TTC29: variants seen among roughly 807,000 people sequenced by gnomAD.
TTC29 encodes the protein tetratricopeptide repeat protein 29.
Under a neutral mutation model 58.1 loss-of-function variants are expected in TTC29, and 49 were observed. The observed-to-expected ratio is 0.84, with a 90% CI of 0.67 to 1.07. The LOEUF is 1.07. TTC29 is among the 50% of genes least tolerant of loss of function. The pLI is 0.00. For missense variants in TTC29, 582 were observed against 555.6 expected, an observed-to-expected ratio of 1.05 and a Z score of -0.48; for synonymous variants, 209 against 196.8, an observed-to-expected ratio of 1.06 and a Z score of -0.52.
At chr4:146,883,538 C>G (rs1731775624) in intron 6 of TTC29, among the ~76,000 whole-genome samples, 1 of 152,040 alleles carries the variant, frequency 6.6e-6, no homozygotes, top group South Asian at 2.1e-4. Flanking sequence ...CACACTTCAT[C>G]CAACTCTAAC....
In TTC29 at chr4:146,776,757, G is replaced by T. The variant is rs531069798; in HGVS notation, c.1330+26700C>A. ...TGCTCAAGTATGCTAGCACAGCAGGGTGCATACACATTGGCTGGAGTGGAG... is the reference window on the plus strand; with the variant it reads ...TGCTCAAGTATGCTAGCACAGCAGGTTGCATACACATTGGCTGGAGTGGAG... On this transcript the variant is annotated intron_variant, in intron 11 of 12. Transcript: ENST00000325106. Among the ~76,000 whole-genome samples, 5 of 152,360 alleles carry T rather than the reference G, an allele frequency of 3.3e-5. No homozygotes were observed. In the East Asian group the frequency reaches 9.6e-4, roughly 29 times the overall value.
chr4:146,733,410 A>G (rs1385220410), intron 11 of TTC29, among the ~76,000 whole-genome samples: 1 of 152,116 alleles, frequency 6.6e-6, no homozygotes, highest in Non-Finnish European at 1.5e-5. Flanking sequence ...ATATATCACA[A>G]TTTAAAAAAT....
chr4:146,848,691 G>A (rs1028969891), intron 8 of TTC29, among the ~76,000 whole-genome samples: 6 of 152,106 alleles, frequency 3.9e-5, no homozygotes, highest in African/African-American at 1.4e-4. Flanking sequence ...CTTAGACATT[G>A]AGAATTACAG....
rs146950928 is a variant in TTC29 at position 146,758,877 on chromosome 4, C to T, written c.1330+44580G>A. Reference sequence around the variant, plus strand: ...GAAAGTTCATAGCCCTAAACACCTACATCAAAAAGACTGAAAGAGCACGAA... The same window carrying T: ...GAAAGTTCATAGCCCTAAACACCTATATCAAAAAGACTGAAAGAGCACGAA... On this transcript the variant is annotated intron_variant, in intron 11 of 12. Coordinates refer to ENST00000325106, the MANE Select transcript of TTC29 (RefSeq NM_031956.4). Among the ~76,000 whole-genome samples, 369 of 152,182 alleles carry T rather than the reference C, an allele frequency of 2.4e-3. 3 individuals are homozygous for T. Among genetic ancestry groups the T allele is most frequent in the African/African-American group, 8.6e-3 (357 of 41,534 alleles).
At chr4:146,875,156 G>C (rs1731177448) in intron 6 of TTC29, among the ~76,000 whole-genome samples, 1 of 152,150 alleles carries the variant, frequency 6.6e-6, no homozygotes, top group African/African-American at 2.4e-5. Flanking sequence ...ACTCTGGCTA[G>C]TAGAAATTTA....
At chr4:146,894,473 T>C (rs1732618464) in intron 6 of TTC29, among the ~76,000 whole-genome samples, 1 of 140,484 alleles carries the variant, frequency 7.1e-6, no homozygotes, top group Non-Finnish European at 1.5e-5. Flanking sequence ...AGGTGGGAAT[T>C]GAACAATGAG....
chr4:146,755,662 T>C (rs1055777439), intron 11 of TTC29, among the ~76,000 whole-genome samples: 6 of 152,036 alleles, frequency 3.9e-5, no homozygotes, highest in African/African-American at 7.3e-5. Flanking sequence ...GACAGATTTG[T>C]TAATTGGCTT....
At chr4:146,810,693 C>T (rs767820013) in intron 10 of TTC29, among the ~76,000 whole-genome samples, 4 of 147,892 alleles carry the variant, frequency 2.7e-5, no homozygotes, top group African/African-American at 7.5e-5. Context: ...CAGGTTCAAG[C>T]GATTCTCCTG....
At chr4:146,880,767 G>A (rs1378735550) in intron 6 of TTC29, among the ~76,000 whole-genome samples, 3 of 151,916 alleles carry the variant, frequency 2.0e-5, no homozygotes. Flanking sequence ...TCTCCCAGCC[G>A]CTATTTTGAT....
intron 10 of TTC29, among the ~76,000 whole-genome samples, chr4:146,811,507 C>T (rs973481367): frequency 2.0e-5 from 3 of 152,160 alleles, no homozygotes; most frequent in Middle Eastern, 3.2e-3. Context: ...CCCTTCCACT[C>T]ATCTCTCTCC....
intron 6 of TTC29, among the ~76,000 whole-genome samples, chr4:146,885,778 T>C (rs537405763): frequency 6.6e-6 from 1 of 152,250 alleles, no homozygotes; most frequent in African/African-American, 2.4e-5. Context: ...ACTTACCATA[T>C]TACTTTCCAA....
chr4:146,939,556 C>T (rs1262186419), intron 3 of TTC29, among the ~76,000 whole-genome samples: 2 of 152,106 alleles, frequency 1.3e-5, no homozygotes, highest in African/African-American at 4.8e-5. Flanking sequence ...CTACGGGAAC[C>T]ATGATATAAT....
At chr4:146,802,889 C>T (rs1214176753) in intron 11 of TTC29, among the ~76,000 whole-genome samples, 1 of 152,076 alleles carries the variant, frequency 6.6e-6, no homozygotes, top group Non-Finnish European at 1.5e-5. Flanking sequence ...ATAATACTGA[C>T]CCCTGCATCC....
chr4:146,796,380 G>A (rs558688935), intron 11 of TTC29, among the ~76,000 whole-genome samples: 7 of 152,290 alleles, frequency 4.6e-5, no homozygotes, highest in African/African-American at 1.7e-4. Context: ...GAGAGATCAT[G>A]TAGTCTAATC....
intron 10 of TTC29, among the ~76,000 whole-genome samples, chr4:146,814,811 G>A (rs1386824739): frequency 6.6e-6 from 1 of 151,814 alleles, no homozygotes; most frequent in Non-Finnish European, 1.5e-5. Context: ...CCACTGAAGA[G>A]GTGGCATTGA....
At chr4:146,864,974 A>T (rs1730474144) in intron 8 of TTC29, among the ~76,000 whole-genome samples, 1 of 151,826 alleles carries the variant, frequency 6.6e-6, no homozygotes, top group Admixed American at 6.6e-5. Flanking sequence ...AAATAAGTAC[A>T]GTTATTAGTC....
At chr4:146,869,786 T>G (rs1473828309) in intron 7 of TTC29, among the ~76,000 whole-genome samples, 1 of 152,150 alleles carries the variant, frequency 6.6e-6, no homozygotes, top group African/African-American at 2.4e-5. Context: ...ATATTAGTTT[T>G]TAAATAGTAT....
intron 4 of TTC29, among the ~76,000 whole-genome samples, chr4:146,912,569 T>C (rs1299511162): frequency 6.6e-6 from 1 of 152,076 alleles, no homozygotes; most frequent in Non-Finnish European, 1.5e-5. Flanking sequence ...TGGACTGACT[T>C]TACCTGAGAG....
At chr4:146,891,042 G>A (rs966306537) in intron 6 of TTC29, among the ~76,000 whole-genome samples, 1 of 151,972 alleles carries the variant, frequency 6.6e-6, no homozygotes, top group East Asian at 1.9e-4. Flanking sequence ...TACAAGAGAA[G>A]GAAACCAGAC....
Sources: gnomAD v4.1 joint callset for allele counts (sites outside exome capture counted in the v4.1 genomes callset) on GRCh38, gnomAD v4.1.1 for gene constraint, MANE v1.5 for transcripts, NCBI Gene and HGNC (gene_info 2026-07-23, HGNC 2026-07-21) for gene names.